The following LDLRAD3 variants were observed in gnomAD, a reference collection of about 807,000 sequenced individuals.
LDLRAD3 encodes low density lipoprotein receptor class A domain containing 3.
In LDLRAD3, 20 loss-of-function variants were observed where a neutral mutation model predicts 29.4. That is an observed-to-expected ratio of 0.68 (90% CI 0.48 to 0.99). The LOEUF is 0.99. Among genes scored for constraint, LDLRAD3 ranks in the 50% least tolerant of loss-of-function variants. The probability of loss-of-function intolerance (pLI) is 0.00; values close to 1 mark genes in which losing one functional copy is unlikely to be tolerated. For synonymous variants in LDLRAD3, 157 were observed against 192.7 expected (o/e 0.81, Z 1.53); for missense variants, 420 against 454.3 (o/e 0.92, Z 0.69).
chr11:36,076,088 C>T (rs1852994425), intron 2 of LDLRAD3, among the ~76,000 whole-genome samples: 1 of 152,178 alleles, frequency 6.6e-6, no homozygotes, highest in South Asian at 2.1e-4. Context: ...GATCTGGGTG[C>T]TAGGTGTGCT....
chr11:36,073,509 C>T (rs968269404), intron 2 of LDLRAD3, among the ~76,000 whole-genome samples: 1 of 152,266 alleles, frequency 6.6e-6, no homozygotes, highest in African/African-American at 2.4e-5. Context: ...CGGGGCCTTG[C>T]CCAGGACCCC....
chr11:36,035,086 GCA>G (rs1565175668), intron 1 of LDLRAD3, among the ~76,000 whole-genome samples: 1 of 151,970 alleles, frequency 6.6e-6, no homozygotes, highest in Non-Finnish European at 1.5e-5. Flanking sequence ...TTAGAACATA[GCA>G]CAAGTATCTG....
intron 4 of LDLRAD3, among the ~76,000 whole-genome samples, chr11:36,115,069 T>G (rs1007502302): frequency 2.6e-5 from 4 of 152,174 alleles, no homozygotes; most frequent in African/African-American, 9.7e-5. Flanking sequence ...AGCCACCATG[T>G]GAATGTGGTG....
At chr11:36,042,695 A>AGGTGGG (rs1165234645) in intron 2 of LDLRAD3, among the ~76,000 whole-genome samples, 1 of 152,244 alleles carries the variant, frequency 6.6e-6, no homozygotes, top group Non-Finnish European at 1.5e-5. Flanking sequence ...TGAAGTTGTT[A>AGGTGGG]GGTGGGTCCT....
intron 2 of LDLRAD3, among the ~76,000 whole-genome samples, chr11:36,071,264 G>A (rs143831636): frequency 2.1e-3 from 316 of 152,292 alleles, no homozygotes; most frequent in African/African-American, 7.4e-3. Context: ...TCAGCCCATC[G>A]CAGACAATCC....
At position 36,230,451 on chromosome 11, in the gene LDLRAD3, G is replaced by A. The variant is rs1211316984; in HGVS notation, c.*1054G>A. On this transcript the variant is annotated 3_prime_UTR_variant, in exon 6 of 6. Transcript: ENST00000315571. ...GGTTTCTATCACAGGTGAGAGCCAT[G>A]TTCAATACCTCCAGCAAGCTCTCCT... is the stretch of plus-strand genomic sequence containing the variant. 1 of 152,774 alleles carries A rather than the reference G, an allele frequency of 6.5e-6. No individual in the cohort carries two copies. Among genetic ancestry groups the A allele is most frequent in the African/African-American group, 2.4e-5 (1 of 41,450 alleles). 9.5% of individuals were successfully genotyped at this position (152,774 alleles called of 1,614,324 possible).
At position 36,056,493 on chromosome 11, in the gene LDLRAD3, T is replaced by G. The variant is rs190518626; in HGVS notation, c.193+20244T>G. Among the ~76,000 whole-genome samples, 5 of 152,278 alleles carry G rather than the reference T, an allele frequency of 3.3e-5. No homozygotes were observed. In the East Asian group the frequency reaches 9.7e-4, roughly 29 times the overall value. ...CCTAGCCAAGTTTTGAAAGCAGACA[T>G]TCTGGCTTGAGTTGAGCCACTGAAC... On this transcript the variant is annotated intron_variant, in intron 2 of 5. Coordinates refer to ENST00000315571, the MANE Select transcript of LDLRAD3 (RefSeq NM_174902.4).
chr11:36,100,925 G>T (rs1853437565), intron 4 of LDLRAD3, among the ~76,000 whole-genome samples: 1 of 152,146 alleles, frequency 6.6e-6, no homozygotes, highest in Non-Finnish European at 1.5e-5. Flanking sequence ...AAGAAGAATG[G>T]TGGGTCCCTC....
At chr11:36,198,923 T>G (rs974119457) in intron 4 of LDLRAD3, among the ~76,000 whole-genome samples, 1 of 151,802 alleles carries the variant, frequency 6.6e-6, no homozygotes, top group Non-Finnish European at 1.5e-5. Context: ...TTTTTGGAGA[T>G]GGAGTCTCAC....
At chr11:36,035,997 C>A in intron 1 of LDLRAD3, 106 bp from the exon 2 acceptor site, 2 of 1,095,596 alleles carry the variant, frequency 1.8e-6, no homozygotes, top group Non-Finnish European at 2.6e-6. Flanking sequence ...GAGGTTGAGT[C>A]ATCTACCAGA....
Position 36,124,731 on chromosome 11 carries a change from G to A in LDLRAD3, c.454+26270G>A, listed in dbSNP as rs531548864. 2.1e-4 allele frequency among the ~76,000 whole-genome samples: 31 copies of A among 146,880 alleles called. No homozygotes were observed. The South Asian group carries it at 5.6e-3, about 27-fold the overall frequency. ...CTTGGAGACAGAGTCTCACTCTGTCGCCCAGGCTGGAGTGCAGTGGCATGA... is the reference window on the plus strand; with the variant it reads ...CTTGGAGACAGAGTCTCACTCTGTCACCCAGGCTGGAGTGCAGTGGCATGA... On this transcript the variant is annotated intron_variant, in intron 4 of 5. Transcript: ENST00000315571.
intron 2 of LDLRAD3, among the ~76,000 whole-genome samples, chr11:36,060,551 G>A (rs1590233337): frequency 2.4e-5 from 2 of 82,796 alleles, no homozygotes; most frequent in African/African-American, 7.8e-5. Context: ...CTTCCTTAGG[G>A]TAGCCTTTGT....
intron 4 of LDLRAD3, among the ~76,000 whole-genome samples, chr11:36,211,759 G>C (rs1590359901): frequency 6.6e-6 from 1 of 152,210 alleles, no homozygotes; most frequent in East Asian, 1.9e-4. Flanking sequence ...TGGCCTGCCT[G>C]AAGTAGATTT....
intron 4 of LDLRAD3, among the ~76,000 whole-genome samples, chr11:36,110,558 C>T (rs767125435): frequency 6.6e-6 from 1 of 152,162 alleles, no homozygotes; most frequent in Non-Finnish European, 1.5e-5. Context: ...GGACATTTAT[C>T]CCTCCATGGA....
At chr11:35,965,728 TA>T (rs1327658731) in intron 1 of LDLRAD3, among the ~76,000 whole-genome samples, 4 of 152,186 alleles carry the variant, frequency 2.6e-5, no homozygotes, top group Non-Finnish European at 5.9e-5. Flanking sequence ...TTAATGCTCT[TA>T]AATAGTCTTT....
At chr11:36,178,724 A>G (rs1025057927) in intron 4 of LDLRAD3, among the ~76,000 whole-genome samples, 1 of 152,146 alleles carries the variant, frequency 6.6e-6, no homozygotes, top group African/African-American at 2.4e-5. Context: ...AGTTGTTTCC[A>G]TCCTTCAAGA....
chr11:35,958,896 G>A lies in LDLRAD3; in HGVS notation c.46+14752G>A, dbSNP rs2942395. Among the ~76,000 whole-genome samples, 568 of 151,998 alleles carry A rather than the reference G, an allele frequency of 3.7e-3. 3 individuals are homozygous for A. Among genetic ancestry groups the A allele is most frequent in the African/African-American group, 0.013 (535 of 41,480 alleles). On this transcript the variant is annotated intron_variant, in intron 1 of 5. Transcript: ENST00000315571. ...CCTTGATTCACGTGTGCAGACGTGCGCTGCTCTCGTCTAGATTGCAGACCC... is the reference window on the plus strand; with the variant it reads ...CCTTGATTCACGTGTGCAGACGTGCACTGCTCTCGTCTAGATTGCAGACCC...
intron 4 of LDLRAD3, among the ~76,000 whole-genome samples, chr11:36,104,011 T>G (rs548453059): frequency 6.6e-6 from 1 of 152,314 alleles, no homozygotes; most frequent in African/African-American, 2.4e-5. Flanking sequence ...GTGTATGGAT[T>G]GTGACTCGCT....
intron 4 of LDLRAD3, among the ~76,000 whole-genome samples, chr11:36,100,730 G>T (rs973747556): frequency 6.6e-6 from 1 of 152,168 alleles, no homozygotes. Flanking sequence ...GAGCCACTGC[G>T]CCCGGCCTAT....
Sources: gnomAD v4.1 joint callset for allele counts (sites outside exome capture counted in the v4.1 genomes callset) on GRCh38, gnomAD v4.1.1 for gene constraint, MANE v1.5 for transcripts, NCBI Gene and HGNC (gene_info 2026-07-23, HGNC 2026-07-21) for gene names.